Variants in IL9R observed in about 807,000 individuals in gnomAD.
IL9R encodes interleukin-9 receptor.
In IL9R, 54 loss-of-function variants were observed where a neutral mutation model predicts 56.3. The ratio of observed to expected loss-of-function variants is 0.96; its 90% CI spans 0.77 to 1.20. IL9R has a LOEUF of 1.20. Among genes scored for constraint, IL9R ranks in the 50% most tolerant of loss-of-function variants. IL9R has a pLI of 0.00. For synonymous variants in IL9R, 212 were observed against 250.2 expected, an observed-to-expected ratio of 0.85 and a Z score of 1.44; for missense variants, 545 against 629.8, an observed-to-expected ratio of 0.87 and a Z score of 1.44.
rs2067764196 is a variant in IL9R, at chrX:156,004,418, A to G, written c.434-2A>G. 2.5e-6 allele frequency: 4 copies of G among 1,613,830 alleles called. No individual in the cohort carries two copies. The highest frequency in any genetic ancestry group is 3.4e-6 in the Non-Finnish European group (4 of 1,179,816). On this transcript the variant is annotated splice_acceptor_variant, in intron 4 of 8. Coordinates refer to ENST00000244174, the MANE Select transcript of IL9R (RefSeq NM_002186.3). LOFTEE classifies it high-confidence loss of function. The stretch of plus-strand genomic sequence containing the variant: ...GCCTCACATGGATTCACTCTGTTCC[A>G]GTTAAGCTGGACCCGCCCTCTGACT...
chrX:156,005,400 T>C lies in IL9R; in HGVS notation c.702T>C (p.Asp234=), dbSNP rs918602517. 1.3e-5 allele frequency: 21 copies of C among 1,613,074 alleles called. No individual in the cohort carries two copies. Among genetic ancestry groups the C allele is most frequent in the Non-Finnish European group, 1.7e-5 (20 of 1,179,788 alleles). The part of the protein sequence containing the change: ...LRVQMATLED[D]VVEEERYTGQ... Reference sequence around the variant, plus strand: ...TCCAGATGGCCACACTGGAGGATGATGTGGTAGAGGAGGAGCGTTATACAG... The same window carrying C: ...TCCAGATGGCCACACTGGAGGATGACGTGGTAGAGGAGGAGCGTTATACAG... Residue 234 remains aspartate, a synonymous_variant, in exon 6 of 9, where the codon GAT becomes GAC. Transcript: ENST00000244174.
At chrX:156,002,257 G>T (rs1340806217) in intron 1 of IL9R, among the ~76,000 whole-genome samples, 2 of 152,122 alleles carry the variant, frequency 1.3e-5, no homozygotes, top group African/African-American at 2.4e-5. Context: ...GGCTGAGGCA[G>T]GATAATCACT....
At chrX:156,005,525 G>A (rs2067870135) in intron 6 of IL9R, 46 bp downstream of exon 6, 2 of 1,531,942 alleles carry the variant, frequency 1.3e-6, no homozygotes, top group Admixed American at 1.7e-5. Flanking sequence ...GTCTGGGCTG[G>A]GCGTCTTCTC....
chrX:156,006,350 C>G (rs775029214), intron 7 of IL9R, among the ~76,000 whole-genome samples, 162 bp downstream of exon 7: 1 of 149,592 alleles, frequency 6.7e-6, no homozygotes, highest in Admixed American at 6.6e-5. Context: ...TCTCCACTGC[C>G]TGGTCCTGGA....
At chrX:155,999,213 A>T (rs1320791392) in intron 1 of IL9R, among the ~76,000 whole-genome samples, 5 of 151,926 alleles carry the variant, frequency 3.3e-5, no homozygotes, top group Non-Finnish European at 1.5e-5. Context: ...GCCTCTCTGT[A>T]CTTCTCCCAC....
At chrX:156,009,241 G>GTGTGTGTGTGTGTGTGT (rs1377556588) in intron 8 of IL9R, among the ~76,000 whole-genome samples, 8 of 26,686 alleles carry the variant, frequency 3.0e-4, no homozygotes, top group African/African-American at 5.1e-4. Context: ...GTGTTCGTGT[G>GTGTGTGTGTGTGTGTGT]GTGTGTGTGT....
In IL9R at chrX:156,003,676, G is replaced by T; in HGVS notation, c.255-1G>T. 1 of 1,612,682 alleles carries T rather than the reference G, an allele frequency of 6.2e-7. No individual in the cohort carries two copies. The highest frequency in any genetic ancestry group is 8.5e-7 in the Non-Finnish European group (1 of 1,179,260). ...GTGGTGCTGACAAATGCCCTTTCCA[G>T]CAACCAGGCTCCTGGCGGCACACAT... On this transcript the variant is annotated splice_acceptor_variant, in intron 3 of 8. Transcript: ENST00000244174. LOFTEE classifies it high-confidence loss of function.
chrX:156,000,122 C>T (rs914857867), intron 1 of IL9R, among the ~76,000 whole-genome samples: 2 of 137,626 alleles, frequency 1.5e-5, no homozygotes, highest in African/African-American at 2.8e-5. Flanking sequence ...AGCGACAGAG[C>T]GAGACTCCGT....
At chrX:155,998,265 A>G (rs2067271236) in intron 1 of IL9R, among the ~76,000 whole-genome samples, 1 of 151,854 alleles carries the variant, frequency 6.6e-6, no homozygotes, top group Admixed American at 6.6e-5. Context: ...AGCCAGGAGG[A>G]TGGGTATGCC....
rs768148666 is a variant in IL9R, at chrX:156,006,018, G to A, written c.782-65G>A. On this transcript the variant is annotated intron_variant, in intron 6 of 8. Coordinates refer to ENST00000244174, the MANE Select transcript of IL9R (RefSeq NM_002186.3). ...GCACTAAAGGGCGCACCTTTGCCAG[G>A]TGGGTTTGGGGGGAGCCTCCTGGCA... 4.9e-5 allele frequency: 38 copies of A among 777,854 alleles called. No homozygotes were observed. In the South Asian group the frequency reaches 4.9e-4, roughly 10 times the overall value. 48.2% of individuals were successfully genotyped at this position (777,854 alleles called of 1,614,324 possible). A position where few individuals can be genotyped will look rare whatever the true frequency, so the allele number is the denominator to read the frequency against.
intron 5 of IL9R, among the ~76,000 whole-genome samples, 176 bp downstream of exon 5, chrX:156,004,741 T>C (rs757591271): frequency 6.6e-6 from 1 of 152,186 alleles, no homozygotes; most frequent in Non-Finnish European, 1.5e-5. Context: ...TTTATGTGTG[T>C]GTATGGGAGT....
intron 8 of IL9R, 199 bp downstream of exon 8, chrX:156,007,806 C>A (rs2068084241): frequency 4.9e-6 from 3 of 614,244 alleles, no homozygotes; most frequent in Non-Finnish European, 5.6e-6. Context: ...TTTTCCATTG[C>A]TGATTTCTTT....
intron 6 of IL9R, 114 bp downstream of exon 6, chrX:156,005,593 G>A: frequency 1.1e-6 from 1 of 869,738 alleles, no homozygotes; most frequent in South Asian, 1.5e-5. Context: ...CCCCGAGGCA[G>A]CCATGCCTCA....
At chrX:156,002,805 A>C in intron 1 of IL9R, 101 bp from the exon 2 acceptor site, 1 of 1,526,572 alleles carries the variant, frequency 6.6e-7, no homozygotes, top group Non-Finnish European at 9.1e-7. Context: ...GTGTGAGTGC[A>C]GGTGGGGACC....
At chrX:156,009,241 G>GTGTGTCTGTGTGTGTGTTTGT (rs1377556588) in intron 8 of IL9R, among the ~76,000 whole-genome samples, 1 of 26,702 alleles carries the variant, frequency 3.7e-5, no homozygotes. Flanking sequence ...GTGTTCGTGT[G>GTGTGTCTGTGTGTGTGTTTGT]GTGTGTGTGT....
At chrX:156,007,049 C>G (rs2068018422) in intron 7 of IL9R, among the ~76,000 whole-genome samples, 2 of 151,928 alleles carry the variant, frequency 1.3e-5, no homozygotes, top group Non-Finnish European at 2.9e-5. Context: ...AAATGGGGGA[C>G]AGCCTTGCAG....
intron 1 of IL9R, among the ~76,000 whole-genome samples, chrX:156,000,733 G>A (rs1430523103): frequency 6.6e-6 from 1 of 152,220 alleles, no homozygotes; most frequent in Non-Finnish European, 1.5e-5. Flanking sequence ...CTGTGGTCAA[G>A]GATGGGGGAA....
intron 1 of IL9R, among the ~76,000 whole-genome samples, chrX:155,998,985 C>T (rs2067324906): frequency 6.6e-6 from 1 of 152,090 alleles, no homozygotes; most frequent in Non-Finnish European, 1.5e-5. Flanking sequence ...AATATCCTCA[C>T]TCCAGCCCTG....
In IL9R at chrX:156,004,392, A is replaced by G. The variant is rs1460339391; in HGVS notation, c.434-28A>G. ...GACACACCCAGACCCATGGGGCTTC[A>G]GCCTCACATGGATTCACTCTGTTCC... On this transcript the variant is annotated intron_variant, in intron 4 of 8. Transcript: ENST00000244174. The G allele has an allele frequency of 6.8e-6, 11 of 1,613,038 alleles. No homozygotes were observed. In the African/African-American group the frequency reaches 1.3e-4, roughly 20 times the overall value.
Sources: gnomAD v4.1 joint callset for allele counts (sites outside exome capture counted in the v4.1 genomes callset) on GRCh38, gnomAD v4.1.1 for gene constraint, MANE v1.5 for transcripts, NCBI Gene and HGNC (gene_info 2026-07-23, HGNC 2026-07-21) for gene names.